The following NRG1 variants were observed in gnomAD, a reference collection of about 807,000 sequenced individuals.
NRG1 encodes the protein neuregulin 1.
In NRG1, 18 loss-of-function variants were observed where a neutral mutation model predicts 63.8. That is an observed-to-expected ratio of 0.28 (90% CI 0.19 to 0.42). The LOEUF is 0.42. NRG1 is among the 10% of genes least tolerant of loss of function. The pLI is 1.00. For missense variants in NRG1, 762 were observed against 814.7 expected, an observed-to-expected ratio of 0.94 and a Z score of 0.79; for synonymous variants, 302 against 301.3, an observed-to-expected ratio of 1.00 and a Z score of -0.02.
At chr8:32,720,823 G>A (rs1449618351) in intron 5 of NRG1, among the ~76,000 whole-genome samples, 2 of 152,010 alleles carry the variant, frequency 1.3e-5, no homozygotes, top group Non-Finnish European at 2.9e-5. Context: ...AAAAAAAACA[G>A]CAACTTGTAG....
chr8:32,428,115 A>T (rs983631729), intron 1 of NRG1, among the ~76,000 whole-genome samples: 2 of 152,210 alleles, frequency 1.3e-5, no homozygotes, highest in East Asian at 3.9e-4. Flanking sequence ...CACCATGGCA[A>T]AGGCAATGAT....
rs1370399432 is a variant in NRG1, at chr8:32,196,114, A to G, written c.38-399714A>G. Among the ~76,000 whole-genome samples the G allele has an allele frequency of 3.0e-5, 3 of 98,680 alleles. No individual in the cohort carries two copies. The East Asian group carries it at 6.8e-4, about 23-fold the overall frequency. 64.7% of individuals were successfully genotyped at this position (98,680 alleles called of 152,430 possible). A position where few individuals can be genotyped will look rare whatever the true frequency, so the allele number is the denominator to read the frequency against. On this transcript the variant is annotated intron_variant, in intron 1 of 10. Transcript: ENST00000519301. ...TGTACAAATAATGTGCAGTAAAAACAATGAGTGTGTGTGTGTGTGTGTGTG... is the reference window on the plus strand; with the variant it reads ...TGTACAAATAATGTGCAGTAAAAACGATGAGTGTGTGTGTGTGTGTGTGTG...
intron 5 of NRG1, 44 bp from the exon 6 acceptor site, chr8:32,727,905 G>A (rs3735775): frequency 0.18 from 290,422 of 1,592,400 alleles, 35,206 homozygotes; most frequent in African/African-American, 0.58. Flanking sequence ...TTAGAAGGGG[G>A]AAAAAAAGTC....
intron 5 of NRG1, chr8:32,648,406 G>A: frequency 6.3e-7 from 1 of 1,598,078 alleles, no homozygotes; most frequent in Non-Finnish European, 8.5e-7. Context: ...GAGAGAGAGA[G>A]ACGATGATGA....
At chr8:32,600,355 A>C (rs372354239) in intron 2 of NRG1, among the ~76,000 whole-genome samples, 1 of 143,856 alleles carries the variant, frequency 7.0e-6, no homozygotes, top group African/African-American at 2.6e-5. Context: ...CACACACACA[A>C]ACACTGTCTA....
intron 1 of NRG1, among the ~76,000 whole-genome samples, chr8:31,939,289 G>T (rs529463316): frequency 1.3e-5 from 2 of 152,044 alleles, no homozygotes; most frequent in Non-Finnish European, 2.9e-5. Flanking sequence ...TATTAGCCAA[G>T]AATTTTGTAT....
At chr8:32,161,576 A>T (rs1838836594) in intron 1 of NRG1, among the ~76,000 whole-genome samples, 1 of 152,198 alleles carries the variant, frequency 6.6e-6, no homozygotes, top group Non-Finnish European at 1.5e-5. Context: ...GAAAAAAAAA[A>T]AACACTGTTT....
intron 1 of NRG1, among the ~76,000 whole-genome samples, chr8:31,921,325 G>T (rs1466684279): frequency 6.6e-6 from 1 of 152,140 alleles, no homozygotes; most frequent in Non-Finnish European, 1.5e-5. Context: ...GTTCTCAACT[G>T]CACTGTCTCA....
chr8:31,671,394 T>C (rs1472855365), intron 1 of NRG1, among the ~76,000 whole-genome samples: 2 of 152,206 alleles, frequency 1.3e-5, no homozygotes, highest in African/African-American at 4.8e-5. Context: ...ATGTATACTA[T>C]TGTGCAACCA....
At chr8:32,230,798 A>G (rs531195331) in intron 1 of NRG1, among the ~76,000 whole-genome samples, 2 of 102,664 alleles carry the variant, frequency 1.9e-5, no homozygotes, top group Admixed American at 1.1e-4. Flanking sequence ...ATTTTGATAC[A>G]TACAATGTAT....
At chr8:32,410,721 C>G (rs1201983213) in intron 1 of NRG1, among the ~76,000 whole-genome samples, 1 of 152,132 alleles carries the variant, frequency 6.6e-6, no homozygotes, top group Non-Finnish European at 1.5e-5. Context: ...ATCTGCCCAC[C>G]TGACTACTGA....
rs1466609306 is a variant in NRG1, at chr8:31,753,286, A to G, written c.37+113855A>G. ...AAAAATGTTGAAGGGCTTTAATTAT[A>G]TTTAAAGAAAAACAGCAAAAATGAA... On this transcript the variant is annotated intron_variant, in intron 1 of 10. Transcript: ENST00000519301. 6.6e-5 allele frequency among the ~76,000 whole-genome samples: 10 copies of G among 152,068 alleles called. 1 individual carries two copies. Among genetic ancestry groups the G allele is most frequent in the Admixed American group, 6.6e-4 (10 of 15,242 alleles).
chr8:32,124,921 T>C (rs1474168094), intron 1 of NRG1, among the ~76,000 whole-genome samples: 1 of 151,938 alleles, frequency 6.6e-6, no homozygotes, highest in Non-Finnish European at 1.5e-5. Flanking sequence ...TAGACACTAC[T>C]ATGGGCTGAA....
intron 1 of NRG1, among the ~76,000 whole-genome samples, chr8:31,851,159 A>G (rs1827174791): frequency 1.3e-5 from 2 of 152,212 alleles, no homozygotes; most frequent in Admixed American, 6.5e-5. Flanking sequence ...CATGATGTTG[A>G]CAAAGAAGTA....
chr8:32,542,260 G>T (rs1832649118), intron 1 of NRG1, among the ~76,000 whole-genome samples: 1 of 152,076 alleles, frequency 6.6e-6, no homozygotes, highest in South Asian at 2.1e-4. Flanking sequence ...AGATTATACT[G>T]ATTAGTCCAG....
At chr8:32,480,975 T>C (rs1268984441) in intron 1 of NRG1, among the ~76,000 whole-genome samples, 1 of 152,166 alleles carries the variant, frequency 6.6e-6, no homozygotes, top group Admixed American at 6.5e-5. Context: ...TATACATACA[T>C]ACATTAAAAT....
At chr8:32,283,826 C>A (rs979672778) in intron 1 of NRG1, among the ~76,000 whole-genome samples, 1 of 152,158 alleles carries the variant, frequency 6.6e-6, no homozygotes, top group Admixed American at 6.5e-5. Flanking sequence ...ATGGCCTGAG[C>A]TGAAATTAAT....
chr8:32,578,951 G>A (rs1840152577), intron 1 of NRG1, among the ~76,000 whole-genome samples: 1 of 152,010 alleles, frequency 6.6e-6, no homozygotes, highest in South Asian at 2.1e-4. Context: ...TGTTGTGAGG[G>A]TTTTGCTTAA....
intron 1 of NRG1, among the ~76,000 whole-genome samples, chr8:31,846,625 C>G (rs1340810806): frequency 3.3e-5 from 5 of 152,124 alleles, no homozygotes; most frequent in African/African-American, 4.8e-5. Context: ...TTGCAAATAA[C>G]TGGAACATAA....
Sources: gnomAD v4.1 joint callset for allele counts (sites outside exome capture counted in the v4.1 genomes callset) on GRCh38, gnomAD v4.1.1 for gene constraint, MANE v1.5 for transcripts, NCBI Gene and HGNC (gene_info 2026-07-23, HGNC 2026-07-21) for gene names.